Variants in SNX24 observed in about 807,000 individuals in gnomAD.
SNX24 encodes sorting nexin 24.
A neutral mutation model predicts 28.7 loss-of-function variants in SNX24; 22 were observed. That is an observed-to-expected ratio of 0.77 (90% CI 0.55 to 1.10). SNX24 has a LOEUF of 1.10. SNX24 is among the 50% of genes least tolerant of loss of function. The probability of loss-of-function intolerance (pLI) is 0.00; values close to 1 mark genes in which losing one functional copy is unlikely to be tolerated. For synonymous variants in SNX24, 69 were observed against 71.5 expected (o/e 0.96, Z 0.18); for missense variants, 221 against 201.1 (o/e 1.10, Z -0.60).
chr5:122,910,421 C>T (rs1453542124), intron 1 of SNX24, among the ~76,000 whole-genome samples: 4 of 152,154 alleles, frequency 2.6e-5, no homozygotes, highest in Non-Finnish European at 4.4e-5. Context: ...ATCCCTACTG[C>T]TCCTCCAAGG....
At chr5:122,867,569 A>G (rs1217971998) in intron 1 of SNX24, among the ~76,000 whole-genome samples, 1 of 152,148 alleles carries the variant, frequency 6.6e-6, no homozygotes, top group Non-Finnish European at 1.5e-5. Flanking sequence ...GGTGAGTGGA[A>G]GTCCATATTT....
chr5:122,859,626 G>A (rs976540672), intron 1 of SNX24, among the ~76,000 whole-genome samples: 10 of 152,002 alleles, frequency 6.6e-5, no homozygotes, highest in East Asian at 1.9e-4. Flanking sequence ...AATAATTGTC[G>A]ATGAAAAGAG....
intron 3 of SNX24, among the ~76,000 whole-genome samples, chr5:122,974,238 G>C (rs1432027333): frequency 2.0e-5 from 3 of 152,200 alleles, no homozygotes; most frequent in Non-Finnish European, 4.4e-5. Context: ...ATTTTAGTCA[G>C]ATTTATTTCT....
chr5:122,897,668 G>C (rs962417953), intron 1 of SNX24, among the ~76,000 whole-genome samples: 3 of 152,200 alleles, frequency 2.0e-5, no homozygotes, highest in African/African-American at 7.2e-5. Context: ...GCACACAGAT[G>C]CGCGTTTGCC....
Position 122,902,950 on chromosome 5 carries a change from A to G in SNX24, c.61-33784A>G, listed in dbSNP as rs145711240. Among the ~76,000 whole-genome samples, 402 of 152,070 alleles carry G rather than the reference A, an allele frequency of 2.6e-3. 1 individual carries two copies. Among genetic ancestry groups the G allele is most frequent in the African/African-American group, 9.4e-3 (391 of 41,440 alleles). On this transcript the variant is annotated intron_variant, in intron 1 of 6. Coordinates refer to ENST00000261369, the MANE Select transcript of SNX24 (RefSeq NM_014035.4). ...TGCAATTCTGGATCTGTATCTTGCT[A>G]CTTATTGTTCCCTAGGCCTGAGACG... is the stretch of plus-strand genomic sequence containing the variant.
At chr5:122,917,106 A>C (rs900723551) in intron 1 of SNX24, among the ~76,000 whole-genome samples, 2 of 152,140 alleles carry the variant, frequency 1.3e-5, no homozygotes, top group Admixed American at 6.5e-5. Context: ...GTCTCTACTA[A>C]AAATACAAAA....
At chr5:122,952,923 G>A (rs148957752) in intron 3 of SNX24, among the ~76,000 whole-genome samples, 162 of 152,260 alleles carry the variant, frequency 1.1e-3, no homozygotes, top group African/African-American at 3.7e-3. Flanking sequence ...ACCAATCCAG[G>A]TCTAACATCC....
chr5:123,025,672 GTCAGCTAT>G (rs1284004444), intron 5 of SNX24: 2 of 1,113,910 alleles, frequency 1.8e-6, no homozygotes, highest in Non-Finnish European at 1.3e-6. Flanking sequence ...GAAGAGGCCA[GTCAGCTAT>G]ATAATGGATC....
At chr5:122,857,928 A>G (rs930004442) in intron 1 of SNX24, among the ~76,000 whole-genome samples, 7 of 152,098 alleles carry the variant, frequency 4.6e-5, no homozygotes, top group African/African-American at 1.7e-4. Context: ...GATTACAGGC[A>G]CGTGCCACGA....
chr5:122,914,107 A>G (rs999720967), intron 1 of SNX24, among the ~76,000 whole-genome samples: 1 of 152,092 alleles, frequency 6.6e-6, no homozygotes, highest in Non-Finnish European at 1.5e-5. Context: ...ATGGAAAGAG[A>G]GGAAGAGGGA....
chr5:122,925,221 C>G (rs1300083970), intron 1 of SNX24, among the ~76,000 whole-genome samples: 3 of 90,930 alleles, frequency 3.3e-5, no homozygotes, highest in Non-Finnish European at 6.5e-5. Context: ...CTTCCCCTCC[C>G]CCTTCCCTCC....
At chr5:122,926,886 C>A (rs1267806844) in intron 1 of SNX24, among the ~76,000 whole-genome samples, 1 of 152,172 alleles carries the variant, frequency 6.6e-6, no homozygotes, top group Non-Finnish European at 1.5e-5. Context: ...ATTACAGGGT[C>A]AACCACCTCT....
intron 1 of SNX24, among the ~76,000 whole-genome samples, chr5:122,928,784 A>G (rs576782717): frequency 2.6e-5 from 4 of 151,732 alleles, no homozygotes; most frequent in Non-Finnish European, 5.9e-5. Context: ...GTACTGTGAG[A>G]TAAGTGATGA....
At chr5:122,976,375 C>T (rs1276975512) in intron 3 of SNX24, among the ~76,000 whole-genome samples, 2 of 150,534 alleles carry the variant, frequency 1.3e-5, no homozygotes, top group Admixed American at 1.3e-4. Context: ...GTGTAAGAAA[C>T]CTGTGTTATT....
chr5:122,963,356 C>G (rs1760566177), intron 3 of SNX24, among the ~76,000 whole-genome samples: 1 of 152,190 alleles, frequency 6.6e-6, no homozygotes, highest in African/African-American at 2.4e-5. Context: ...CAGACCTGTG[C>G]TAATTTCCAG....
At chr5:122,974,896 C>CTGGGT (rs1761106504) in intron 3 of SNX24, among the ~76,000 whole-genome samples, 1 of 152,190 alleles carries the variant, frequency 6.6e-6, no homozygotes, top group Non-Finnish European at 1.5e-5. Context: ...TGGGTGCTGC[C>CTGGGT]AGCTGCTAAT....
In SNX24 at chr5:122,938,973, G is replaced by A. The variant is rs1365189930; in HGVS notation, c.144+2156G>A. 3.1e-5 allele frequency among the ~76,000 whole-genome samples: 4 copies of A among 128,578 alleles called. 1 individual carries two copies. Among genetic ancestry groups the A allele is most frequent in the Non-Finnish European group, 5.5e-5 (3 of 54,340 alleles). 84.4% of individuals were successfully genotyped at this position (128,578 alleles called of 152,430 possible). On this transcript the variant is annotated intron_variant, in intron 2 of 6. Coordinates refer to ENST00000261369, the MANE Select transcript of SNX24 (RefSeq NM_014035.4). Reference sequence around the variant, plus strand: ...AAAAAAAAAAAAAAAAAAAAAAAAAGGCAATGAAATACAAATAACAATGGG... The same window carrying A: ...AAAAAAAAAAAAAAAAAAAAAAAAAAGCAATGAAATACAAATAACAATGGG...
At chr5:122,876,081 G>C (rs763229689) in intron 1 of SNX24, among the ~76,000 whole-genome samples, 3 of 152,244 alleles carry the variant, frequency 2.0e-5, no homozygotes, top group Non-Finnish European at 4.4e-5. Context: ...CTGACCTCAA[G>C]TGATCCACCT....
chr5:122,919,275 A>ACT (rs1298334927), intron 1 of SNX24, among the ~76,000 whole-genome samples: 1 of 152,146 alleles, frequency 6.6e-6, no homozygotes, highest in Non-Finnish European at 1.5e-5. Context: ...AAGCAGAGAA[A>ACT]CTCTAAGAGA....
Sources: allele counts gnomAD v4.1 joint callset (sites outside exome capture counted in the v4.1 genomes callset), GRCh38; gene constraint gnomAD v4.1.1; transcripts MANE v1.5; gene names NCBI Gene and HGNC (gene_info 2026-07-23, HGNC 2026-07-21).